POMT2: variants seen among roughly 807,000 people sequenced by gnomAD.
POMT2 encodes protein O-mannosyltransferase 2.
In POMT2, 75 loss-of-function variants were observed where a neutral mutation model predicts 100.0. The ratio of observed to expected loss-of-function variants is 0.75; its 90% CI spans 0.62 to 0.91. The LOEUF (loss-of-function observed/expected upper bound fraction) is 0.91. Among genes scored for constraint, POMT2 ranks in the 40% least tolerant of loss-of-function variants. The probability of loss-of-function intolerance (pLI) is 0.00; values close to 1 mark genes in which losing one functional copy is unlikely to be tolerated. For synonymous variants in POMT2, 378 were observed against 374.1 expected, an observed-to-expected ratio of 1.01 and a Z score of -0.12; for missense variants, 940 against 955.1, an observed-to-expected ratio of 0.98 and a Z score of 0.21.
intron 1 of POMT2, among the ~76,000 whole-genome samples, chr14:77,315,463 T>C (rs1230013675): frequency 1.3e-5 from 2 of 152,194 alleles, no homozygotes; most frequent in African/African-American, 2.4e-5. Flanking sequence ...AAACTGGTAA[T>C]GTTTGAGCCA....
intron 13 of POMT2, 22 bp from the exon 14 acceptor site, chr14:77,285,063 G>A: frequency 6.4e-7 from 1 of 1,571,162 alleles, no homozygotes; most frequent in Non-Finnish European, 8.8e-7. Flanking sequence ...AGAAGTCACA[G>A]ATGTCTCTCA....
chr14:77,294,431 C>G (rs1890748816), intron 9 of POMT2, among the ~76,000 whole-genome samples: 2 of 152,230 alleles, frequency 1.3e-5, no homozygotes, highest in Non-Finnish European at 2.9e-5. Context: ...AAGTGATTCT[C>G]CTGCCTCAGT....
intron 1 of POMT2, among the ~76,000 whole-genome samples, chr14:77,316,574 A>C (rs1032856060): frequency 6.6e-6 from 1 of 151,264 alleles, no homozygotes; most frequent in Non-Finnish European, 1.5e-5. Context: ...TCTAAAAAAA[A>C]AAAAAAAAAA....
chr14:77,296,853 C>T (rs923509576), intron 8 of POMT2, among the ~76,000 whole-genome samples: 4 of 152,204 alleles, frequency 2.6e-5, no homozygotes, highest in Admixed American at 1.3e-4. Flanking sequence ...TCTTCCAATC[C>T]GCTGGAATGA....
chr14:77,310,552 C>G (rs1407517271), intron 2 of POMT2, among the ~76,000 whole-genome samples: 1 of 152,140 alleles, frequency 6.6e-6, no homozygotes, highest in Non-Finnish European at 1.5e-5. Flanking sequence ...TGTTCTACCT[C>G]GCTTCCCATC....
Position 77,278,430 on chromosome 14 carries a change from G to A in POMT2, c.2111C>T (p.Ala704Val), listed in dbSNP as rs746221148. Residue 704 changes from alanine to valine, a missense_variant, in exon 20 of 21, where the codon GCG becomes GTG. Transcript: ENST00000261534. ...TCCCAGGAGCAGGCTCAGGATTCCC[G>A]CCACATGTATGCCCCTCGCCAGGGG... Reference protein sequence around the residue: ...SWPLARGIHVAGILSLLLGTA... With the variant: ...SWPLARGIHVVGILSLLLGTA... 6.7e-6 allele frequency: 10 copies of A among 1,492,402 alleles called. No homozygotes were observed. The highest frequency in any genetic ancestry group is 3.6e-5 in the South Asian group (3 of 82,980). 92.4% of individuals were successfully genotyped at this position (1,492,402 alleles called of 1,614,324 possible).
intron 4 of POMT2, 86 bp downstream of exon 4, chr14:77,304,605 AG>A: frequency 6.5e-7 from 1 of 1,536,050 alleles, no homozygotes; most frequent in Non-Finnish European, 8.8e-7. Flanking sequence ...ACCCACATAT[AG>A]GGCCCTTGAA....
At chr14:77,296,366 A>T (rs751355270) in intron 8 of POMT2, 93 bp from the exon 9 acceptor site, 40 of 867,364 alleles carry the variant, frequency 4.6e-5, no homozygotes, top group Non-Finnish European at 6.5e-5. Context: ...AGGGCTCACT[A>T]ACCCTCTGCG....
At chr14:77,308,161 C>G (rs1188618118) in intron 2 of POMT2, among the ~76,000 whole-genome samples, 1 of 150,996 alleles carries the variant, frequency 6.6e-6, no homozygotes, top group Non-Finnish European at 1.5e-5. Flanking sequence ...CGCCTGGCCC[C>G]AAGTTAATTT....
intron 10 of POMT2, 99 bp from the exon 11 acceptor site, chr14:77,288,930 G>T: frequency 9.7e-7 from 1 of 1,029,656 alleles, no homozygotes; most frequent in Non-Finnish European, 1.5e-6. Context: ...TGTGGTATCT[G>T]CTAGAGGTAC....
At chr14:77,283,365 G>A (rs1890298491) in intron 15 of POMT2, among the ~76,000 whole-genome samples, 1 of 152,248 alleles carries the variant, frequency 6.6e-6, no homozygotes, top group South Asian at 2.1e-4. Flanking sequence ...TAGAGGTGAA[G>A]GAGTGTAGTG....
intron 1 of POMT2, among the ~76,000 whole-genome samples, chr14:77,315,445 T>A (rs1267678162): frequency 1.3e-5 from 2 of 152,208 alleles, no homozygotes; most frequent in Admixed American, 1.3e-4. Context: ...GGAAAAAGTG[T>A]CCAGATTAAA....
chr14:77,284,280 TG>T (rs1890337609), intron 14 of POMT2: 1 of 306,156 alleles, frequency 3.3e-6, no homozygotes, highest in Non-Finnish European at 6.4e-6. Flanking sequence ...GCTGTCGGGA[TG>T]GGGACCAAGT....
Position 77,307,986 on chromosome 14 carries a change from C to T in POMT2, c.334-1545G>A, listed in dbSNP as rs143374981. ...CAAGCAATTCTCTGCCTCAGCCTCCCGCATAGCTGGGATTACAGGCATCTG... is the reference window on the plus strand; with the variant it reads ...CAAGCAATTCTCTGCCTCAGCCTCCTGCATAGCTGGGATTACAGGCATCTG... On this transcript the variant is annotated intron_variant, in intron 2 of 20. Coordinates refer to ENST00000261534, the MANE Select transcript of POMT2 (RefSeq NM_013382.7). Among the ~76,000 whole-genome samples, 26 of 151,768 alleles carry T rather than the reference C, an allele frequency of 1.7e-4. 1 individual carries two copies. In the East Asian group the frequency reaches 2.9e-3, roughly 17 times the overall value.
intron 1 of POMT2, chr14:77,319,681 G>A (rs1458733689): frequency 6.6e-6 from 1 of 152,366 alleles, no homozygotes; most frequent in Non-Finnish European, 1.5e-5. Context: ...TAAACCCATA[G>A]CGTCACCCTG....
chr14:77,299,692 G>A, intron 6 of POMT2, 131 bp from the exon 7 acceptor site: 1 of 676,928 alleles, frequency 1.5e-6, no homozygotes. Flanking sequence ...GGAGAGAGAA[G>A]AATATGTGGA....
chr14:77,301,054 C>G (rs753865940), intron 6 of POMT2, 36 bp downstream of exon 6: 4 of 1,613,154 alleles, frequency 2.5e-6, no homozygotes, highest in African/African-American at 1.3e-5. Flanking sequence ...CATCAGGGAG[C>G]AAAAACATTT....
At chr14:77,309,565 T>C (rs893301892) in intron 2 of POMT2, among the ~76,000 whole-genome samples, 11 of 152,194 alleles carry the variant, frequency 7.2e-5, no homozygotes, top group African/African-American at 2.7e-4. Flanking sequence ...AGGAGCTAAA[T>C]TAGGGGTGCA....
chr14:77,305,267 C>G (rs951048919), intron 3 of POMT2, among the ~76,000 whole-genome samples: 1 of 151,778 alleles, frequency 6.6e-6, no homozygotes, highest in Non-Finnish European at 1.5e-5. Context: ...CACCAGAAAC[C>G]AGTCTTTAAT....
Sources: allele counts gnomAD v4.1 joint callset (sites outside exome capture counted in the v4.1 genomes callset), GRCh38; gene constraint gnomAD v4.1.1; transcripts MANE v1.5; gene names NCBI Gene and HGNC (gene_info 2026-07-23, HGNC 2026-07-21).